PLA2G7: variants seen among roughly 807,000 people sequenced by gnomAD.
PLA2G7 encodes the protein phospholipase A2 group VII.
In PLA2G7, 63 loss-of-function variants were observed where a neutral mutation model predicts 49.6. The ratio of observed to expected loss-of-function variants is 1.27; its 90% CI spans 1.04 to 1.57. The LOEUF (loss-of-function observed/expected upper bound fraction) is 1.57, where lower values mean the gene tolerates loss of function less well. Ranked by LOEUF, PLA2G7 falls within the 40% of genes most tolerant of loss-of-function variation. The pLI, the probability that PLA2G7 is intolerant of heterozygous loss-of-function variation, is 0.00. For synonymous variants in PLA2G7, 193 were observed against 169.9 expected, an observed-to-expected ratio of 1.14 and a Z score of -1.06; for missense variants, 596 against 521.2, an observed-to-expected ratio of 1.14 and a Z score of -1.40.
chr6:46,706,615 G>T (rs1292492784), intron 10 of PLA2G7, among the ~76,000 whole-genome samples: 1 of 152,172 alleles, frequency 6.6e-6, no homozygotes, highest in Non-Finnish European at 1.5e-5. Context: ...TGCCCGTGGG[G>T]GCCCAGGAAG....
chr6:46,734,853 A>G (rs1399719109), intron 1 of PLA2G7, among the ~76,000 whole-genome samples: 1 of 151,486 alleles, frequency 6.6e-6, no homozygotes, highest in Non-Finnish European at 1.5e-5. Flanking sequence ...AAAGAAAGAG[A>G]GAGAGAGAGA....
intron 1 of PLA2G7, among the ~76,000 whole-genome samples, chr6:46,731,729 A>C (rs886239952): frequency 1.3e-5 from 2 of 152,244 alleles, no homozygotes; most frequent in Non-Finnish European, 2.9e-5. Context: ...AATATGAGCA[A>C]ATAATAATGG....
At chr6:46,716,342 T>C in intron 4 of PLA2G7, 42 bp downstream of exon 4, 1 of 1,607,300 alleles carries the variant, frequency 6.2e-7, no homozygotes, top group Admixed American at 1.7e-5. Flanking sequence ...AAGGTTTTCA[T>C]ACATGCAAGA....
At chr6:46,728,854 G>C (rs747185654) in intron 1 of PLA2G7, among the ~76,000 whole-genome samples, 4 of 152,158 alleles carry the variant, frequency 2.6e-5, no homozygotes, top group Non-Finnish European at 1.5e-5. Flanking sequence ...ACCTGTATCA[G>C]AGTAATAAAG....
chr6:46,733,097 G>C (rs1181847831), intron 1 of PLA2G7, among the ~76,000 whole-genome samples: 1 of 152,128 alleles, frequency 6.6e-6, no homozygotes, highest in Non-Finnish European at 1.5e-5. Flanking sequence ...CTCCTAAACT[G>C]ACTTTCCCAG....
At chr6:46,734,110 AGAT>A (rs1200085833) in intron 1 of PLA2G7, among the ~76,000 whole-genome samples, 1 of 152,076 alleles carries the variant, frequency 6.6e-6, no homozygotes, top group African/African-American at 2.4e-5. Context: ...AAGCTCCAGG[AGAT>A]GATGAGGAAG....
rs1765887223 is a variant in PLA2G7 at position 46,735,237 on chromosome 6, G to T, written c.-92C>A. 1 of 152,212 alleles carries T rather than the reference G, an allele frequency of 6.6e-6. No homozygotes were observed. The highest frequency in any genetic ancestry group is 1.5e-5 in the Non-Finnish European group (1 of 68,052). 9.4% of individuals were successfully genotyped at this position (152,212 alleles called of 1,614,324 possible). ...GGGGTCCCTGGGCGCGTTCCACCGC[G>T]CACCAACGCGACCCAAGCGCTCCAA... On this transcript the variant is annotated 5_prime_UTR_variant, in exon 1 of 12. Transcript: ENST00000274793.
chr6:46,728,139 C>G (rs1467099483), intron 1 of PLA2G7, among the ~76,000 whole-genome samples: 3 of 152,152 alleles, frequency 2.0e-5, no homozygotes, highest in Non-Finnish European at 4.4e-5. Context: ...ATTACCACAC[C>G]AAATGATTGC....
intron 1 of PLA2G7, among the ~76,000 whole-genome samples, chr6:46,727,320 C>T (rs1427437736): frequency 1.3e-5 from 2 of 152,162 alleles, no homozygotes; most frequent in Admixed American, 6.5e-5. Flanking sequence ...TGTCCAATCT[C>T]GAGTTTGAAA....
At position 46,714,538 on chromosome 6, in the gene PLA2G7, G is replaced by A. The variant is rs948805885; in HGVS notation, c.392C>T (p.Pro131Leu). The stretch of plus-strand genomic sequence containing the variant: ...CCTCAGAGGGGAATTCCAGTTTGCA[G>A]GAGTTGTCATTGAACCTAGACAACA... ...LRLLFGSMTTPANWNSPLRPG... is the reference protein window; with the variant it reads ...LRLLFGSMTTLANWNSPLRPG... Residue 131 changes from proline (P) to leucine (L), a missense_variant, in exon 5 of 12, where the codon CCT (proline) becomes CTT (leucine). Physicochemically the swap from Pro to Leu is moderately conservative, Grantham distance 98. Coordinates refer to ENST00000274793, the MANE Select transcript of PLA2G7 (RefSeq NM_005084.4). 5 of 1,607,640 alleles carry A rather than the reference G, an allele frequency of 3.1e-6. No individual in the cohort carries two copies. The highest frequency in any genetic ancestry group is 4.3e-6 in the Non-Finnish European group (5 of 1,174,366).
At chr6:46,707,799 A>G (rs1488764675) in intron 10 of PLA2G7, among the ~76,000 whole-genome samples, 192 bp downstream of exon 10, 1 of 152,200 alleles carries the variant, frequency 6.6e-6, no homozygotes, top group Non-Finnish European at 1.5e-5. Context: ...TATATACTAT[A>G]TACGTTAACA....
chr6:46,714,704 A>AGAT, intron 4 of PLA2G7, 151 bp from the exon 5 acceptor site: 1 of 648,506 alleles, frequency 1.5e-6, no homozygotes, highest in Non-Finnish European at 2.8e-6. Flanking sequence ...GACTGCTACT[A>AGAT]GATACCCACC....
Position 46,711,567 on chromosome 6 carries a change from T to C in PLA2G7, c.592A>G (p.Ile198Val), listed in dbSNP as rs2150696040. 6.2e-6 allele frequency: 10 copies of C among 1,613,782 alleles called. No homozygotes were observed. Among genetic ancestry groups the C allele is most frequent in the Non-Finnish European group, 7.6e-6 (9 of 1,179,670 alleles). Residue 198 changes from isoleucine (I) to valine (V), a missense_variant, in exon 7 of 12, where the codon ATA becomes GTA. Physicochemically the swap from Ile to Val is conservative, Grantham distance 29 (BLOSUM62 3). Transcript: ENST00000274793. The part of the protein sequence containing the change: ...YYFKDQSAAE[I>V]GDKSWLYLRT... ...AGGTAGAGCCAAGACTTGTCCCCTATTTCTGCAGCAGATTGGTCCTTGAAA... is the reference window on the plus strand; with the variant it reads ...AGGTAGAGCCAAGACTTGTCCCCTACTTCTGCAGCAGATTGGTCCTTGAAA...
At chr6:46,722,993 C>A in intron 1 of PLA2G7, 68 bp from the exon 2 acceptor site, 1 of 726,078 alleles carries the variant, frequency 1.4e-6, no homozygotes, top group East Asian at 2.7e-5. Flanking sequence ...GCTGACAAAT[C>A]AAGAAAGGCT....
chr6:46,729,145 C>A (rs1033767423), intron 1 of PLA2G7, among the ~76,000 whole-genome samples: 1 of 152,042 alleles, frequency 6.6e-6, no homozygotes, highest in Non-Finnish European at 1.5e-5. Context: ...TGGGGCACAC[C>A]GGAAATGGGA....
intron 1 of PLA2G7, among the ~76,000 whole-genome samples, chr6:46,732,368 TAC>T (rs59891486): frequency 0.08 from 11,184 of 140,470 alleles, 525 homozygotes; most frequent in African/African-American, 0.15. Context: ...AACACACACA[TAC>T]ACACACACAC....
chr6:46,723,229 G>A (rs533468473), intron 1 of PLA2G7, among the ~76,000 whole-genome samples: 1 of 152,210 alleles, frequency 6.6e-6, no homozygotes, highest in East Asian at 1.9e-4. Flanking sequence ...TATAAAAATA[G>A]CCAACAAAAT....
chr6:46,726,728 G>A (rs768722049), intron 1 of PLA2G7, among the ~76,000 whole-genome samples: 15 of 151,860 alleles, frequency 9.9e-5, no homozygotes, highest in Non-Finnish European at 2.2e-4. Context: ...TGCAACCTCC[G>A]CCTTCCAGGT....
In PLA2G7 at chr6:46,704,440, A is replaced by G; in HGVS notation, c.*120T>C. On this transcript the variant is annotated 3_prime_UTR_variant, in exon 12 of 12. Transcript: ENST00000274793. ...GAGTCCTTTGGGAAAATACATTAAA[A>G]TTCTCTCTCTCTCTCTCTCTCTCTC... 4.9e-6 allele frequency: 3 copies of G among 613,142 alleles called. No individual in the cohort carries two copies. The highest frequency in any genetic ancestry group is 2.6e-5 in the Admixed American group (1 of 38,924). The allele number at this position is 613,142 out of a possible 1,614,324, so 38.0% of individuals were successfully genotyped here.
Sources: allele counts gnomAD v4.1 joint callset (sites outside exome capture counted in the v4.1 genomes callset), GRCh38; gene constraint gnomAD v4.1.1; transcripts MANE v1.5; gene names NCBI Gene and HGNC (gene_info 2026-07-23, HGNC 2026-07-21).